Variants in SPAG9 observed in about 807,000 individuals in gnomAD.
SPAG9 encodes the protein sperm associated antigen 9, also known as C-Jun-amino-terminal kinase-interacting protein 4.
In SPAG9, 35 loss-of-function variants were observed where a neutral mutation model predicts 166.5. The ratio of observed to expected loss-of-function variants is 0.21; its 90% CI spans 0.16 to 0.28. SPAG9 has a LOEUF of 0.28. SPAG9 is among the 10% of genes least tolerant of loss of function. The pLI, the probability that SPAG9 is intolerant of heterozygous loss-of-function variation, is 1.00. For synonymous variants in SPAG9, 534 were observed against 565.5 expected (o/e 0.94, Z 0.79); for missense variants, 1,235 against 1,603.3 (o/e 0.77, Z 3.92).
At chr17:51,099,656 G>A (rs1329803428) in intron 1 of SPAG9, among the ~76,000 whole-genome samples, 4 of 146,540 alleles carry the variant, frequency 2.7e-5, no homozygotes, top group Non-Finnish European at 5.9e-5. Flanking sequence ...TAGGTATATG[G>A]CCAACATCTT....
Position 51,056,423 on chromosome 17 carries a change from T to G in SPAG9, c.484A>C (p.Arg162=). 1.2e-6 allele frequency: 2 copies of G among 1,604,222 alleles called. No individual in the cohort carries two copies. The highest frequency in any genetic ancestry group is 3.3e-4 in the Middle Eastern group (2 of 6,036). Residue 162 remains arginine (R), a synonymous_variant, in exon 3 of 30, where the codon AGA becomes CGA. Transcript: ENST00000262013. The part of the protein sequence containing the change: ...LKKEYNALHQ[R]HTEMIHNYME... ...ACCTAGAAACCCACCTCAGTGTGTC[T>G]TTGATGTAATGCATTATATTCCTTC...
intron 1 of SPAG9, among the ~76,000 whole-genome samples, chr17:51,114,951 C>CA (rs531593746): frequency 0.097 from 11,817 of 121,798 alleles, 469 homozygotes; most frequent in Middle Eastern, 0.12. Flanking sequence ...GACTCTGTCT[C>CA]AAAAAAAAAA....
chr17:51,117,708 CAAA>C (rs397856959), intron 1 of SPAG9, among the ~76,000 whole-genome samples: 260 of 41,696 alleles, frequency 6.2e-3, no homozygotes, highest in African/African-American at 0.03. Flanking sequence ...GACTCCGTCT[CAAA>C]AAAAAAAAAA....
At chr17:51,089,463 C>A (rs1026050891) in intron 1 of SPAG9, among the ~76,000 whole-genome samples, 1 of 150,352 alleles carries the variant, frequency 6.7e-6, no homozygotes, top group African/African-American at 2.4e-5. Context: ...AAGAAGTCGA[C>A]AGGTGCACCG....
intron 25 of SPAG9, among the ~76,000 whole-genome samples, chr17:50,980,867 T>C (rs1299578434): frequency 6.6e-6 from 1 of 152,066 alleles, no homozygotes; most frequent in Non-Finnish European, 1.5e-5. Context: ...TCAGGTATAA[T>C]GGTGTGTGCC....
intron 8 of SPAG9, among the ~76,000 whole-genome samples, chr17:51,019,590 C>T (rs1372667058): frequency 4.0e-5 from 6 of 150,092 alleles, no homozygotes; most frequent in East Asian, 2.0e-4. Flanking sequence ...CAGTGGCTCA[C>T]GACTGTAATC....
At chr17:50,984,211 G>T (rs1009795290) in intron 24 of SPAG9, among the ~76,000 whole-genome samples, 12 of 151,978 alleles carry the variant, frequency 7.9e-5, no homozygotes, top group East Asian at 5.8e-4. Context: ...TTTAAAGGGG[G>T]AGAATATAAA....
intron 2 of SPAG9, 146 bp from the exon 3 acceptor site, chr17:51,056,628 CTCATT>C: frequency 3.3e-6 from 2 of 597,456 alleles, no homozygotes; most frequent in East Asian, 5.6e-5. Context: ...AAGCAGTGAC[CTCATT>C]TCATTATCCT....
At chr17:51,021,469 T>C (rs2045934197) in intron 6 of SPAG9, 104 bp from the exon 7 acceptor site, 2 of 1,016,228 alleles carry the variant, frequency 2.0e-6, no homozygotes, top group Non-Finnish European at 2.8e-6. Context: ...TTCTATTTTT[T>C]TTTCCAAAAT....
intron 5 of SPAG9, among the ~76,000 whole-genome samples, chr17:51,036,521 T>C (rs2046590254): frequency 6.6e-6 from 1 of 152,048 alleles, no homozygotes; most frequent in African/African-American, 2.4e-5. Flanking sequence ...TTCCCATGCA[T>C]CTTCTTTCTT....
In SPAG9 at chr17:51,026,734, T is replaced by C. The variant is rs528238375; in HGVS notation, c.783+4947A>G. Among the ~76,000 whole-genome samples, 15 of 149,212 alleles carry C rather than the reference T, an allele frequency of 1.0e-4. No homozygotes were observed. The East Asian group carries it at 2.8e-3, about 28-fold the overall frequency. On this transcript the variant is annotated intron_variant, in intron 6 of 29. Coordinates refer to ENST00000262013, the MANE Select transcript of SPAG9 (RefSeq NM_001130528.3). ...CTTGTTGCCCCAGGCTGTAGTGCAA[T>C]GGCGCAATCTTGGCTCACCGCAACC...
intron 8 of SPAG9, among the ~76,000 whole-genome samples, chr17:51,015,909 A>G (rs1209199992): frequency 6.6e-6 from 1 of 152,174 alleles, no homozygotes; most frequent in South Asian, 2.1e-4. Flanking sequence ...ACTGGAAGAT[A>G]GGAATGTTCA....
In SPAG9 at chr17:51,120,298, G is replaced by C. The variant is rs1339995265; in HGVS notation, c.303+56C>G. 412 of 1,194,120 alleles carry C rather than the reference G, an allele frequency of 3.5e-4. No individual in the cohort carries two copies. Among genetic ancestry groups the C allele is most frequent in the Non-Finnish European group, 4.2e-4 (373 of 887,970 alleles). The allele number at this position is 1,194,120 out of a possible 1,614,324, so 74.0% of individuals were successfully genotyped here. A position where few individuals can be genotyped will look rare whatever the true frequency, so the allele number is the denominator to read the frequency against. ...TAGTCCCCGACCGGGCCGCGACCCC[G>C]CCCCGGCCGCCCCCGGAGACGGATC... On this transcript the variant is annotated intron_variant, in intron 1 of 29. Coordinates refer to ENST00000262013, the MANE Select transcript of SPAG9 (RefSeq NM_001130528.3). The surrounding 1 kb of genome is among the most constrained non-coding windows in gnomAD (Gnocchi z 4.7).
rs2049439646 is a variant in SPAG9, at chr17:51,120,285, G to C, written c.303+69C>G. ...CCCGTCGCGCCTCTAGTCCCCGACC[G>C]GGCCGCGACCCCGCCCCGGCCGCCC... On this transcript the variant is annotated intron_variant, in intron 1 of 29. Transcript: ENST00000262013. The surrounding 1 kb of genome is among the most constrained non-coding windows in gnomAD (Gnocchi z 4.7). 5 of 1,222,416 alleles carry C rather than the reference G, an allele frequency of 4.1e-6. No homozygotes were observed. Among genetic ancestry groups the C allele is most frequent in the Non-Finnish European group, 3.1e-6 (3 of 976,350 alleles). The allele number at this position is 1,222,416 out of a possible 1,614,324, so 75.7% of individuals were successfully genotyped here.
At chr17:51,096,034 T>TAC (rs2048635229) in intron 1 of SPAG9, among the ~76,000 whole-genome samples, 1 of 128,670 alleles carries the variant, frequency 7.8e-6, no homozygotes, top group Non-Finnish European at 1.6e-5. Context: ...TATATATATA[T>TAC]AGTGATATAT....
chr17:50,970,652 A>G, intron 29 of SPAG9, 55 bp downstream of exon 29: 2 of 1,511,632 alleles, frequency 1.3e-6, no homozygotes, highest in Non-Finnish European at 1.8e-6. Context: ...ACTTTGGGAC[A>G]AAACCCAAGT....
At chr17:51,093,259 G>T (rs971791790) in intron 1 of SPAG9, among the ~76,000 whole-genome samples, 1 of 151,882 alleles carries the variant, frequency 6.6e-6, no homozygotes, top group Non-Finnish European at 1.5e-5. Flanking sequence ...AGTATCAGTG[G>T]TGTTTAATAT....
At chr17:51,021,397 T>C in intron 6 of SPAG9, 32 bp from the exon 7 acceptor site, 1 of 1,516,958 alleles carries the variant, frequency 6.6e-7, no homozygotes, top group Admixed American at 1.8e-5. Context: ...AATAAAATTT[T>C]AAATGACGAA....
At chr17:51,002,592 C>A (rs2045005622) in intron 12 of SPAG9, among the ~76,000 whole-genome samples, 1 of 151,816 alleles carries the variant, frequency 6.6e-6, no homozygotes, top group Non-Finnish European at 1.5e-5. Context: ...CCAGCCTGGG[C>A]AACATAGTAA....
Sources: gnomAD v4.1 joint callset for allele counts (sites outside exome capture counted in the v4.1 genomes callset) on GRCh38, gnomAD v4.1.1 for gene constraint, Gnocchi (gnomAD v3.1) non-coding constraint, MANE v1.5 for transcripts, NCBI Gene and HGNC (gene_info 2026-07-23, HGNC 2026-07-21) for gene names.